WNK2: variants seen among roughly 807,000 people sequenced by gnomAD.
WNK2 encodes WNK lysine deficient protein kinase 2.
In WNK2, 67 loss-of-function variants were observed where a neutral mutation model predicts 192.1. The observed-to-expected ratio is 0.35, with a 90% CI of 0.29 to 0.43. WNK2 has a LOEUF of 0.43. Ranked by LOEUF, WNK2 falls within the 20% of genes least tolerant of loss-of-function variation. The pLI is 1.00. For synonymous variants in WNK2, 1,439 were observed against 1,393.9 expected (o/e 1.03, Z -0.72); for missense variants, 2,698 against 3,089.7 (o/e 0.87, Z 3.01).
chr9:93,266,707 G>C (rs1392051862), intron 16 of WNK2, among the ~76,000 whole-genome samples: 2 of 152,236 alleles, frequency 1.3e-5, no homozygotes, highest in East Asian at 3.9e-4. Context: ...TGCAGGTGGT[G>C]CTCCTGGGGT....
chr9:93,185,836 G>T (rs1436010444), intron 2 of WNK2, among the ~76,000 whole-genome samples: 2 of 152,246 alleles, frequency 1.3e-5, no homozygotes, highest in African/African-American at 4.8e-5. Context: ...GAGTCAGCTG[G>T]TGGCGAGGGC....
intron 16 of WNK2, among the ~76,000 whole-genome samples, chr9:93,264,487 C>T (rs1392083536): frequency 6.6e-6 from 1 of 152,172 alleles, no homozygotes; most frequent in Non-Finnish European, 1.5e-5. Context: ...CCTCTGGAGC[C>T]ACCCCTCCCT....
chr9:93,282,478 GAACA>G (rs1195760169), intron 19 of WNK2, among the ~76,000 whole-genome samples: 1 of 147,384 alleles, frequency 6.8e-6, no homozygotes, highest in Non-Finnish European at 1.5e-5. Context: ...AAAAAAAACA[GAACA>G]AAGACATAAG....
chr9:93,217,886 A>G (rs763780748), intron 2 of WNK2, among the ~76,000 whole-genome samples: 4 of 152,168 alleles, frequency 2.6e-5, no homozygotes, highest in Non-Finnish European at 5.9e-5. Flanking sequence ...GAGGAAAGGA[A>G]GTGAGGCCTA....
chr9:93,318,294 T>C (rs767257978), intron 29 of WNK2: 138 of 1,521,488 alleles, frequency 9.1e-5, no homozygotes, highest in Non-Finnish European at 1.2e-4. Context: ...TTTTCTGTTG[T>C]AAATGCCTTT....
At chr9:93,241,327 T>C (rs1189016874) in intron 7 of WNK2, among the ~76,000 whole-genome samples, 3 of 152,256 alleles carry the variant, frequency 2.0e-5, no homozygotes, top group Non-Finnish European at 4.4e-5. Flanking sequence ...TAGTATTGCA[T>C]GGTAAGAAAG....
chr9:93,275,287 C>T (rs1846661752), intron 19 of WNK2, among the ~76,000 whole-genome samples: 1 of 152,130 alleles, frequency 6.6e-6, no homozygotes, highest in African/African-American at 2.4e-5. Context: ...GAGGCTGAGG[C>T]AGGAGGATCA....
In WNK2 at chr9:93,233,890, T is replaced by C. The variant is rs190127722; in HGVS notation, c.1076-918T>C. Among the ~76,000 whole-genome samples the C allele has an allele frequency of 2.2e-4, 33 of 152,300 alleles. 1 individual carries two copies. In the East Asian group the frequency reaches 4.2e-3, roughly 20 times the overall value. ...TACTGAAGTCTCTAGTCCCTTTCTT[T>C]GCATTCAGCGCGACAGACATGCAAC... On this transcript the variant is annotated intron_variant, in intron 4 of 29. Coordinates refer to ENST00000427277, the MANE Select transcript of WNK2 (RefSeq NM_006648.4).
chr9:93,317,977 G>T (rs779071580), intron 29 of WNK2: 2 of 1,612,724 alleles, frequency 1.2e-6, no homozygotes, highest in Non-Finnish European at 1.7e-6. Flanking sequence ...GGGACAGCGG[G>T]TGGGCAGCAA....
chr9:93,215,474 A>C (rs1009974917), intron 2 of WNK2, among the ~76,000 whole-genome samples: 1 of 152,094 alleles, frequency 6.6e-6, no homozygotes, highest in African/African-American at 2.4e-5. Flanking sequence ...CCCCATTTAC[A>C]CATAGGTTGG....
intron 18 of WNK2, 122 bp from the exon 19 acceptor site, chr9:93,268,505 A>G: frequency 6.9e-7 from 1 of 1,450,764 alleles, no homozygotes; most frequent in Non-Finnish European, 9.4e-7. Flanking sequence ...CCTGGAGAAA[A>G]TCCCATAGGT....
rs1853093230 is a variant in WNK2, at chr9:93,308,778, C to G, written c.6516+194C>G. 14 of 1,423,640 alleles carry G rather than the reference C, an allele frequency of 9.8e-6. No individual in the cohort carries two copies. In the South Asian group the frequency reaches 1.8e-4, roughly 18 times the overall value. The allele number at this position is 1,423,640 out of a possible 1,614,324, so 88.2% of individuals were successfully genotyped here. A position where few individuals can be genotyped will look rare whatever the true frequency, so the allele number is the denominator to read the frequency against. On this transcript the variant is annotated intron_variant, in intron 28 of 29. Coordinates refer to ENST00000427277, the MANE Select transcript of WNK2 (RefSeq NM_006648.4). ...TGGGAGGTGAGCGACGCACCCACAG[C>G]TCCGCAGCTGGCAGGTGGAAAGGAC...
At position 93,301,647 on chromosome 9, in the gene WNK2, C is replaced by T. The variant is rs554716303; in HGVS notation, c.6214+1498C>T. 2.4e-3 allele frequency among the ~76,000 whole-genome samples: 372 copies of T among 152,286 alleles called. 2 individuals carry two copies. Among genetic ancestry groups the T allele is most frequent in the African/African-American group, 8.3e-3 (347 of 41,558 alleles). On this transcript the variant is annotated intron_variant, in intron 26 of 29. Coordinates refer to ENST00000427277, the MANE Select transcript of WNK2 (RefSeq NM_006648.4). ...CCGGCTGTGGTTCCTTCTCCGCAGC[C>T]GGTTCCCGGCCCTGCTGGCCTTGTG...
At position 93,185,101 on chromosome 9, in the gene WNK2, G is replaced by C; in HGVS notation, c.172G>C (p.Glu58Gln). The C allele has an allele frequency of 7.6e-7, 1 of 1,312,662 alleles. No homozygotes were observed. The highest frequency in any genetic ancestry group is 9.7e-7 in the Non-Finnish European group (1 of 1,026,160). The allele number at this position is 1,312,662 out of a possible 1,614,324, so 81.3% of individuals were successfully genotyped here. A position where few individuals can be genotyped will look rare whatever the true frequency, so the allele number is the denominator to read the frequency against. The change falls in exon 2 of 30, where the codon GAG becomes CAG. Residue 58 changes from glutamate to glutamine, a missense_variant. By Grantham distance (29) the Glu-to-Gln change is conservative. Coordinates refer to ENST00000427277, the MANE Select transcript of WNK2 (RefSeq NM_006648.4). ...ESDQEEPPGL[E>Q]AAEAPGPQPP... ...GGACCAGGAGGAGCCGCCGGGCTTG[G>C]AGGCAGCCGAGGCGCCGGGCCCGCA...
intron 8 of WNK2, among the ~76,000 whole-genome samples, chr9:93,248,486 G>C (rs1244466501): frequency 6.6e-6 from 1 of 152,204 alleles, no homozygotes. Context: ...TGGCCCCTTG[G>C]GGGGAATGTG....
At chr9:93,208,349 C>T (rs1266614080) in intron 2 of WNK2, among the ~76,000 whole-genome samples, 1 of 152,194 alleles carries the variant, frequency 6.6e-6, no homozygotes, top group Admixed American at 6.5e-5. Context: ...AAAGGAGAAC[C>T]ACCCACACCC....
chr9:93,273,893 T>C (rs1224148065), intron 19 of WNK2, among the ~76,000 whole-genome samples: 1 of 152,120 alleles, frequency 6.6e-6, no homozygotes, highest in Non-Finnish European at 1.5e-5. Flanking sequence ...AGAAAACAAT[T>C]TGAAATGAAC....
At chr9:93,308,747 A>G in intron 28 of WNK2, 163 bp downstream of exon 28, 1 of 1,398,318 alleles carries the variant, frequency 7.2e-7, no homozygotes, top group Non-Finnish European at 9.4e-7. Flanking sequence ...TGTCCACTTT[A>G]CAGATTGGGA....
At chr9:93,245,231 G>A (rs556898640) in intron 7 of WNK2, among the ~76,000 whole-genome samples, 1 of 152,314 alleles carries the variant, frequency 6.6e-6, no homozygotes, top group Non-Finnish European at 1.5e-5. Flanking sequence ...TGATTCCCCT[G>A]AAGCCCTGAA....
Sources: gnomAD v4.1 joint callset for allele counts (sites outside exome capture counted in the v4.1 genomes callset) on GRCh38, gnomAD v4.1.1 for gene constraint, MANE v1.5 for transcripts, NCBI Gene and HGNC (gene_info 2026-07-23, HGNC 2026-07-21) for gene names.